The following COL5A2 variants were observed in gnomAD, a reference collection of about 807,000 sequenced individuals.
COL5A2 encodes the protein collagen type V alpha 2 chain.
A neutral mutation model predicts 208.2 loss-of-function variants in COL5A2; 23 were observed. The ratio of observed to expected loss-of-function variants is 0.11; its 90% CI spans 0.08 to 0.16. The LOEUF (loss-of-function observed/expected upper bound fraction) is 0.16. COL5A2 is among the 10% of genes least tolerant of loss of function. The pLI is 1.00. For missense variants in COL5A2, 1,590 were observed against 1,956.4 expected (o/e 0.81, Z 3.53); for synonymous variants, 625 against 628.5 (o/e 0.99, Z 0.08).
intron 16 of COL5A2, among the ~76,000 whole-genome samples, chr2:189,076,845 C>T (rs1686416023): frequency 2.0e-5 from 3 of 152,216 alleles, no homozygotes; most frequent in South Asian, 4.2e-4. Flanking sequence ...CTTTGGGAGG[C>T]TGAGACAGGA....
At chr2:189,253,722 C>T in the COL5A2 span, among the ~76,000 whole-genome samples, 2 of 152,180 alleles carry the variant, frequency 1.3e-5, no homozygotes, top group Admixed American at 6.5e-5. Context: ...TAAATTTGGT[C>T]GAAGTTCTCT....
At chr2:189,222,547 T>C (rs1422624381) in intron 1 of COL5A2, among the ~76,000 whole-genome samples, 4 of 152,180 alleles carry the variant, frequency 2.6e-5, no homozygotes, top group African/African-American at 7.2e-5. Flanking sequence ...TTCAGGTTTG[T>C]TCTACAGAAT....
the COL5A2 span, among the ~76,000 whole-genome samples, chr2:189,282,845 T>C: frequency 1.3e-5 from 2 of 152,280 alleles, no homozygotes; most frequent in East Asian, 3.9e-4. Context: ...TCAATAGAGC[T>C]TTTGTGCCTC....
the COL5A2 span, among the ~76,000 whole-genome samples, chr2:189,247,375 T>C: frequency 1.3e-5 from 2 of 152,128 alleles, no homozygotes; most frequent in African/African-American, 4.8e-5. Flanking sequence ...AGCCCTGTGG[T>C]TAAACAGGAT....
At chr2:189,355,332 C>T in the COL5A2 span, among the ~76,000 whole-genome samples, 1 of 152,058 alleles carries the variant, frequency 6.6e-6, no homozygotes, top group African/African-American at 2.4e-5. Flanking sequence ...TCCTGAATAT[C>T]CTTGTTAATT....
At chr2:189,248,033 A>G in the COL5A2 span, among the ~76,000 whole-genome samples, 1 of 152,252 alleles carries the variant, frequency 6.6e-6, no homozygotes, top group Non-Finnish European at 1.5e-5. Context: ...TTACTAATTC[A>G]CATGGAAATA....
intron 6 of COL5A2, among the ~76,000 whole-genome samples, chr2:189,094,833 T>G (rs1000433825): frequency 4.0e-5 from 6 of 151,018 alleles, no homozygotes; most frequent in African/African-American, 1.2e-4. Flanking sequence ...GGACGTGTGA[T>G]GAGAGACAGT....
At chr2:189,431,777 G>T in the COL5A2 span, among the ~76,000 whole-genome samples, 2 of 152,224 alleles carry the variant, frequency 1.3e-5, no homozygotes, top group South Asian at 4.1e-4. Context: ...CACTCTTCAG[G>T]ATATTATCCA....
At chr2:189,251,585 T>C in the COL5A2 span, among the ~76,000 whole-genome samples, 1 of 152,120 alleles carries the variant, frequency 6.6e-6, no homozygotes, top group East Asian at 1.9e-4. Context: ...ATGTCTTTTA[T>C]ATTTTCTCGA....
the COL5A2 span, among the ~76,000 whole-genome samples, chr2:189,283,574 A>T: frequency 6.6e-6 from 1 of 152,102 alleles, no homozygotes. Flanking sequence ...AGAAAATCTG[A>T]TGACTACATG....
the COL5A2 span, among the ~76,000 whole-genome samples, chr2:189,428,979 T>C: frequency 1.4e-3 from 212 of 152,060 alleles, no homozygotes; most frequent in African/African-American, 4.9e-3. Flanking sequence ...GTTAGGGAGA[T>C]TTTGGTCAAA....
At chr2:189,087,613 C>T (rs1302744896) in intron 8 of COL5A2, among the ~76,000 whole-genome samples, 7 of 149,966 alleles carry the variant, frequency 4.7e-5, no homozygotes, top group Admixed American at 2.0e-4. Context: ...CCACCATGCC[C>T]GGCTAATTGT....
At chr2:189,097,412 A>G (rs1240900481) in intron 5 of COL5A2, 82 bp from the exon 6 acceptor site, 1 of 1,425,106 alleles carries the variant, frequency 7.0e-7, no homozygotes, top group Non-Finnish European at 9.8e-7. Flanking sequence ...ATAAAAGAAA[A>G]TTGGAAAACA....
At chr2:189,432,410 C>T in the COL5A2 span, among the ~76,000 whole-genome samples, 7 of 152,140 alleles carry the variant, frequency 4.6e-5, no homozygotes, top group Middle Eastern at 3.2e-3. Flanking sequence ...AGTCAAGACC[C>T]ATCAGTGTGC....
chr2:189,052,700 G>A (rs756926421), intron 40 of COL5A2, 49 bp downstream of exon 40: 17 of 1,554,214 alleles, frequency 1.1e-5, no homozygotes, highest in Non-Finnish European at 1.5e-5. Context: ...GAAGCACTAG[G>A]TAACTAGAAT....
the COL5A2 span, among the ~76,000 whole-genome samples, chr2:189,415,280 A>T: frequency 6.6e-6 from 1 of 152,298 alleles, no homozygotes. Context: ...TTTCAAATAG[A>T]TAATTTAATT....
chr2:189,416,854 C>T, the COL5A2 span, among the ~76,000 whole-genome samples: 1,968 of 152,112 alleles, frequency 0.013, 53 homozygotes, highest in African/African-American at 0.045. Flanking sequence ...TCCTAATATT[C>T]TTTGTCTTTT....
At chr2:189,296,254 T>A in the COL5A2 span, among the ~76,000 whole-genome samples, 21 of 152,014 alleles carry the variant, frequency 1.4e-4, no homozygotes, top group Non-Finnish European at 2.6e-4. Context: ...AATACTATAT[T>A]TTTTTTATTC....
chr2:189,110,119 G>T lies in COL5A2; in HGVS notation c.322+106C>A, dbSNP rs1576533365. ...ATTAACCCCAAAAGCCACCAAAAAA[G>T]CTGCTTAATTATTCTCTTGAGTTGC... On this transcript the variant is annotated intron_variant, in intron 2 of 53. Coordinates refer to ENST00000374866, the MANE Select transcript of COL5A2 (RefSeq NM_000393.5). The T allele has an allele frequency of 7.9e-6, 7 of 882,784 alleles. No individual in the cohort carries two copies. The East Asian group carries it at 1.5e-4, about 18-fold the overall frequency. The allele number at this position is 882,784 out of a possible 1,614,324, so 54.7% of individuals were successfully genotyped here.
Sources: allele counts gnomAD v4.1 joint callset (sites outside exome capture counted in the v4.1 genomes callset), GRCh38; gene constraint gnomAD v4.1.1; transcripts MANE v1.5; gene names NCBI Gene and HGNC (gene_info 2026-07-23, HGNC 2026-07-21).